Variants in PHEX observed in about 807,000 individuals in gnomAD.
PHEX encodes phosphate-regulating neutral endopeptidase PHEX.
In PHEX, 16 loss-of-function variants were observed where a neutral mutation model predicts 68.0. That is an observed-to-expected ratio of 0.24 (90% CI 0.16 to 0.36). The LOEUF (loss-of-function observed/expected upper bound fraction) is 0.36. Ranked by LOEUF, PHEX falls within the 10% of genes least tolerant of loss-of-function variation. The probability of loss-of-function intolerance (pLI) is 1.00; values close to 1 mark genes in which losing one functional copy is unlikely to be tolerated. For synonymous variants in PHEX, 208 were observed against 205.1 expected (o/e 1.01, Z -0.12); for missense variants, 480 against 575.5 (o/e 0.83, Z 1.70).
At chrX:22,068,877 C>A (rs768616698) in intron 3 of PHEX, among the ~76,000 whole-genome samples, 1 of 111,879 alleles carries the variant, frequency 8.9e-6, no homozygotes, top group South Asian at 3.7e-4. Context: ...ACATCTGTAA[C>A]CCCAGCACTT....
At chrX:22,096,333 T>A (rs1431941617) in intron 7 of PHEX, among the ~76,000 whole-genome samples, 1 of 111,999 alleles carries the variant, frequency 8.9e-6, no homozygotes, top group East Asian at 2.8e-4. Context: ...GCCAAGAGCA[T>A]GAGTATTAGG....
intron 15 of PHEX, among the ~76,000 whole-genome samples, chrX:22,207,954 G>T (rs772302075): frequency 9.0e-6 from 1 of 110,714 alleles, no homozygotes; most frequent in South Asian, 3.9e-4. Context: ...TGTTACATAG[G>T]TATACATGTG....
At chrX:22,050,431 A>G (rs1927767665) in intron 3 of PHEX, among the ~76,000 whole-genome samples, 1 of 110,431 alleles carries the variant, frequency 9.1e-6, no homozygotes, top group Non-Finnish European at 1.9e-5. Flanking sequence ...TACAAAAAAA[A>G]TTAGCCACGC....
At chrX:22,115,271 C>T (rs766819687) in intron 11 of PHEX, among the ~76,000 whole-genome samples, 116 of 112,242 alleles carry the variant, frequency 1.0e-3, no homozygotes, top group Non-Finnish European at 2.0e-3. Context: ...GCGGAGGTTG[C>T]AGTGAGCCGA....
At chrX:22,225,997 A>ATGAT (rs1313536722) in intron 18 of PHEX, among the ~76,000 whole-genome samples, 2 of 111,976 alleles carry the variant, frequency 1.8e-5, no homozygotes, top group Non-Finnish European at 3.8e-5. Context: ...AGGTAAAATG[A>ATGAT]TGATAGTTGG....
intron 12 of PHEX, among the ~76,000 whole-genome samples, chrX:22,139,652 A>T (rs1418470148): frequency 9.3e-6 from 1 of 107,267 alleles, no homozygotes; most frequent in Non-Finnish European, 1.9e-5. Context: ...CCTTCTGAGT[A>T]CCTGGAACTA....
chrX:22,081,387 C>T (rs1402064687), intron 5 of PHEX, among the ~76,000 whole-genome samples: 1 of 111,842 alleles, frequency 8.9e-6, no homozygotes, highest in Non-Finnish European at 1.9e-5. Flanking sequence ...TTCTTGACTT[C>T]TTTTGCTGCT....
intron 3 of PHEX, among the ~76,000 whole-genome samples, chrX:22,058,437 TAGA>T (rs1052540350): frequency 8.9e-6 from 1 of 112,484 alleles, no homozygotes; most frequent in Non-Finnish European, 1.9e-5. Context: ...AAAAATAACT[TAGA>T]AGAAGACCTT....
intron 11 of PHEX, among the ~76,000 whole-genome samples, chrX:22,128,723 A>T (rs1931844906): frequency 9.0e-6 from 1 of 110,879 alleles, no homozygotes; most frequent in South Asian, 3.8e-4. Flanking sequence ...ACTTTTTATT[A>T]TTTATTGGGT....
At chrX:22,224,096 C>G (rs1935361160) in intron 18 of PHEX, among the ~76,000 whole-genome samples, 1 of 111,776 alleles carries the variant, frequency 8.9e-6, no homozygotes. Context: ...GATTCTCCTG[C>G]CTCAGCCTCC....
At chrX:22,198,799 G>A (rs1417366748) in intron 15 of PHEX, among the ~76,000 whole-genome samples, 2 of 111,279 alleles carry the variant, frequency 1.8e-5, no homozygotes, top group East Asian at 5.6e-4. Flanking sequence ...TTTTACTTCT[G>A]TATTGGTCTG....
intron 3 of PHEX, among the ~76,000 whole-genome samples, chrX:22,053,438 T>C (rs1927929616): frequency 8.9e-6 from 1 of 111,987 alleles, no homozygotes; most frequent in African/African-American, 3.2e-5. Flanking sequence ...TTTCTTTAAA[T>C]GGCATATAAG....
At chrX:22,247,717 G>C in intron 21 of PHEX, 134 bp from the exon 22 acceptor site, 1 of 507,997 alleles carries the variant, frequency 2.0e-6, no homozygotes, top group Non-Finnish European at 3.5e-6. Flanking sequence ...ATCATTTTGG[G>C]CTTTAGTTGT....
At chrX:22,146,362 G>A (rs940428717) in intron 12 of PHEX, among the ~76,000 whole-genome samples, 6 of 112,294 alleles carry the variant, frequency 5.3e-5, no homozygotes, top group African/African-American at 1.6e-4. Flanking sequence ...AGAAACACAC[G>A]TAATATGTAC....
chrX:22,108,004 G>T (rs1199190285), intron 9 of PHEX, among the ~76,000 whole-genome samples: 1 of 112,156 alleles, frequency 8.9e-6, no homozygotes, highest in African/African-American at 3.2e-5. Context: ...GCTGGACTTT[G>T]AGTTCTCTAA....
At chrX:22,190,401 TATA>T (rs763285149) in intron 14 of PHEX, 40 bp from the exon 15 acceptor site, 6 of 942,622 alleles carry the variant, frequency 6.4e-6, no homozygotes, top group Non-Finnish European at 9.2e-6. Flanking sequence ...CTCCTGCCTG[TATA>T]ATGATGATTG....
chrX:22,175,581 C>G (rs1933671009), intron 13 of PHEX, among the ~76,000 whole-genome samples: 1 of 111,732 alleles, frequency 8.9e-6, no homozygotes, highest in Non-Finnish European at 1.9e-5. Flanking sequence ...GAACTCCTGA[C>G]CTCAAGTTAT....
At position 22,099,044 on chromosome X, in the gene PHEX, C is replaced by T; in HGVS notation, c.972C>T (p.Thr324=). The stretch of plus-strand genomic sequence containing the variant: ...GCTACATCAAGAAGGTCATTGACAC[C>T]AGACTCTACCCCCATCTGAAAGACA... ...WLGYIKKVID[T]RLYPHLKDIS... is the part of the protein sequence containing the mutation. Residue 324 remains threonine, a synonymous_variant, in exon 9 of 22, where the codon ACC becomes ACT. Coordinates refer to ENST00000379374, the MANE Select transcript of PHEX (RefSeq NM_000444.6). The T allele has an allele frequency of 8.3e-7, 1 of 1,208,432 alleles. No individual in the cohort carries two copies. Among genetic ancestry groups the T allele is most frequent in the East Asian group, 3.0e-5 (1 of 33,832 alleles).
chrX:22,214,807 C>T (rs1331637765), intron 16 of PHEX, among the ~76,000 whole-genome samples: 1 of 111,949 alleles, frequency 8.9e-6, no homozygotes, highest in Non-Finnish European at 1.9e-5. Context: ...AAGCTTACTA[C>T]AGGGAAGCAC....
Sources: gnomAD v4.1 joint callset for allele counts (sites outside exome capture counted in the v4.1 genomes callset) on GRCh38, gnomAD v4.1.1 for gene constraint, MANE v1.5 for transcripts, NCBI Gene and HGNC (gene_info 2026-07-23, HGNC 2026-07-21) for gene names.